The following EML1 variants were observed in gnomAD, a reference collection of about 807,000 sequenced individuals.
The protein encoded by EML1 is echinoderm microtubule-associated protein-like 1.
EML1 carries 27 observed loss-of-function variants against 110.4 expected under a neutral mutation model. The ratio of observed to expected loss-of-function variants is 0.24; its 90% CI spans 0.18 to 0.34. The LOEUF (loss-of-function observed/expected upper bound fraction) is 0.34, where lower values mean the gene tolerates loss of function less well. Among genes scored for constraint, EML1 ranks in the 10% least tolerant of loss-of-function variants. EML1 has a pLI of 1.00. For missense variants in EML1, 741 were observed against 1,030.9 expected, an observed-to-expected ratio of 0.72 and a Z score of 3.85; for synonymous variants, 344 against 385.8, an observed-to-expected ratio of 0.89 and a Z score of 1.27.
chr14:99,752,738 GC>G (rs528602433), intron 1 of EML1, among the ~76,000 whole-genome samples: 65 of 152,324 alleles, frequency 4.3e-4, no homozygotes, highest in African/African-American at 1.3e-3. Context: ...TGGCTTCCCA[GC>G]CCCCTTTAAG....
intron 1 of EML1, among the ~76,000 whole-genome samples, chr14:99,785,559 A>G (rs1020560264): frequency 2.0e-5 from 3 of 152,244 alleles, no homozygotes; most frequent in South Asian, 2.1e-4. Flanking sequence ...ATAAAAGGTC[A>G]TAAGTTTCCA....
chr14:99,871,769 ATAGTAGTTTC>A (rs1454576580), intron 3 of EML1, among the ~76,000 whole-genome samples: 3 of 152,202 alleles, frequency 2.0e-5, no homozygotes, highest in Non-Finnish European at 4.4e-5. Context: ...TACTGCCAAA[ATAGTAGTTTC>A]TTGCGATAGG....
chr14:99,883,850 A>G (rs2059429977), intron 4 of EML1, among the ~76,000 whole-genome samples: 1 of 152,222 alleles, frequency 6.6e-6, no homozygotes, highest in Non-Finnish European at 1.5e-5. Flanking sequence ...AACAAGTTTC[A>G]CTAATCCACT....
rs141143924 is a variant in EML1 at position 99,757,508 on chromosome 14, C to T, written c.28+19648C>T. Among the ~76,000 whole-genome samples, 263 of 152,252 alleles carry T rather than the reference C, an allele frequency of 1.7e-3. 1 individual carries two copies. Among genetic ancestry groups the T allele is most frequent in the African/African-American group, 5.9e-3 (247 of 41,550 alleles). ...ACATGCCACACGGCACAGACACCCA[C>T]GCATGTACACTCATGTGCACACACA... On this transcript the variant is annotated intron_variant, in intron 1 of 10. Coordinates refer to the EML1 transcript ENST00000554479.
intron 1 of EML1, among the ~76,000 whole-genome samples, chr14:99,743,338 TG>T (rs1017847293): frequency 9.2e-5 from 14 of 152,258 alleles, no homozygotes; most frequent in African/African-American, 3.4e-4. Flanking sequence ...CTGCAGCCCC[TG>T]GGGACCCTGC....
At chr14:99,932,506 G>T (rs369864240) in intron 17 of EML1, among the ~76,000 whole-genome samples, 7 of 152,174 alleles carry the variant, frequency 4.6e-5, no homozygotes, top group African/African-American at 1.7e-4. Context: ...AGACGCGGTG[G>T]CAGGCGCCTG....
Position 99,940,663 on chromosome 14 carries a change from C to T in EML1, c.*551C>T, listed in dbSNP as rs181912181. 3 of 152,344 alleles carry T rather than the reference C, an allele frequency of 2.0e-5. No homozygotes were observed. The highest frequency in any genetic ancestry group is 2.0e-4 in the Admixed American group (3 of 15,300). 9.4% of individuals were successfully genotyped at this position (152,344 alleles called of 1,614,324 possible). On this transcript the variant is annotated 3_prime_UTR_variant, in exon 22 of 22. Transcript: ENST00000262233. The stretch of plus-strand genomic sequence containing the variant: ...TTTCCAAAGTTTCATTGCATTCTCC[C>T]TTGGGGAGGCTGTGAGAGAGGGCTT...
chr14:99,832,457 G>A (rs2058473488), intron 1 of EML1, among the ~76,000 whole-genome samples: 1 of 152,160 alleles, frequency 6.6e-6, no homozygotes, highest in Non-Finnish European at 1.5e-5. Context: ...CTGCCAAAGT[G>A]GTTGTACCAC....
At chr14:99,761,296 G>T (rs543004304) in intron 1 of EML1, among the ~76,000 whole-genome samples, 4 of 152,266 alleles carry the variant, frequency 2.6e-5, no homozygotes, top group African/African-American at 9.6e-5. Context: ...ATCCCCCTCT[G>T]GTTGCCAGCA....
intron 1 of EML1, among the ~76,000 whole-genome samples, chr14:99,796,911 G>A (rs1007107612): frequency 2.6e-5 from 3 of 115,804 alleles, no homozygotes; most frequent in Non-Finnish European, 4.1e-5. Flanking sequence ...GTGTGTGTAT[G>A]TGTGTGTGTG....
chr14:99,764,931 G>T (rs1377332178), intron 1 of EML1, among the ~76,000 whole-genome samples: 1 of 151,982 alleles, frequency 6.6e-6, no homozygotes, highest in Non-Finnish European at 1.5e-5. Context: ...TGTTGTTGTT[G>T]GTGTTGTTGT....
At chr14:99,863,127 C>A (rs1414303157) in intron 2 of EML1, among the ~76,000 whole-genome samples, 1 of 152,198 alleles carries the variant, frequency 6.6e-6, no homozygotes, top group African/African-American at 2.4e-5. Context: ...TGTAATTGTT[C>A]CATCCTGATG....
Position 99,827,385 on chromosome 14 carries a change from G to A in EML1, c.68-23468G>A, listed in dbSNP as rs932668111. On this transcript the variant is annotated intron_variant, in intron 1 of 21. Coordinates refer to ENST00000262233, the MANE Select transcript of EML1 (RefSeq NM_004434.3). The surrounding 1 kb of genome is among the most constrained non-coding windows in gnomAD (Gnocchi z 4.4). ...TATGAGTACTCGAAGTACCCCGGCA[G>A]AGTAGCGGCACCTAGTAGCCACAAG... Among the ~76,000 whole-genome samples the A allele has an allele frequency of 5.3e-5, 8 of 152,166 alleles. No individual in the cohort carries two copies. The highest frequency in any genetic ancestry group is 1.0e-4 in the Non-Finnish European group (7 of 68,026).
intron 3 of EML1, among the ~76,000 whole-genome samples, chr14:99,876,019 A>G (rs940406867): frequency 6.6e-6 from 1 of 152,196 alleles, no homozygotes; most frequent in African/African-American, 2.4e-5. Context: ...AGTGATTTCA[A>G]AGCCAGCATA....
intron 5 of EML1, among the ~76,000 whole-genome samples, chr14:99,893,102 AG>A (rs934559453): frequency 4.6e-5 from 7 of 152,132 alleles, no homozygotes; most frequent in African/African-American, 1.4e-4. Context: ...CAGGGTGTAG[AG>A]GGGGGCAAAG....
chr14:99,913,881 G>T (rs1490597784), intron 13 of EML1, among the ~76,000 whole-genome samples: 1 of 151,096 alleles, frequency 6.6e-6, no homozygotes, highest in Non-Finnish European at 1.5e-5. Context: ...GTAGAGACGG[G>T]GTTTCATCAT....
intron 4 of EML1, among the ~76,000 whole-genome samples, chr14:99,889,575 G>C (rs992496849): frequency 6.6e-6 from 1 of 152,198 alleles, no homozygotes; most frequent in African/African-American, 2.4e-5. Flanking sequence ...TTTCAGTATG[G>C]AGCAGCGAAC....
At chr14:99,883,592 C>G (rs1003203499) in intron 4 of EML1, 1 of 151,922 alleles carries the variant, frequency 6.6e-6, no homozygotes, top group Non-Finnish European at 1.5e-5. Context: ...CACCTGCAGT[C>G]TCACCACTCA....
chr14:99,858,342 G>A lies in EML1; in HGVS notation c.251-7172G>A, dbSNP rs748160912. On this transcript the variant is annotated intron_variant, in intron 2 of 21. Coordinates refer to ENST00000262233, the MANE Select transcript of EML1 (RefSeq NM_004434.3). ...TGGGATTACAGGCATGCACCTCCAC[G>A]CCCAGCTAATTTTTGTATTTTTAGT... Among the ~76,000 whole-genome samples the A allele has an allele frequency of 2.6e-5, 4 of 152,060 alleles. No individual in the cohort carries two copies. In the East Asian group the frequency reaches 5.8e-4, roughly 22 times the overall value.
Sources: gnomAD v4.1 joint callset for allele counts (sites outside exome capture counted in the v4.1 genomes callset) on GRCh38, gnomAD v4.1.1 for gene constraint, Gnocchi (gnomAD v3.1) non-coding constraint, MANE v1.5 for transcripts, NCBI Gene and HGNC (gene_info 2026-07-23, HGNC 2026-07-21) for gene names.